DDX60L: variants seen among roughly 807,000 people sequenced by gnomAD.
The protein encoded by DDX60L is probable ATP-dependent RNA helicase DDX60-like.
DDX60L carries 191 observed loss-of-function variants against 211.6 expected under a neutral mutation model. That is an observed-to-expected ratio of 0.90 (90% confidence interval 0.80 to 1.02). DDX60L has a LOEUF of 1.02. Among genes scored for constraint, DDX60L ranks in the 50% least tolerant of loss-of-function variants. The pLI, the probability that DDX60L is intolerant of heterozygous loss-of-function variation, is 0.00. For missense variants in DDX60L, 2,007 were observed against 1,984.1 expected, an observed-to-expected ratio of 1.01 and a Z score of -0.22; for synonymous variants, 706 against 694.1, an observed-to-expected ratio of 1.02 and a Z score of -0.27.
chr4:168,383,252 T>C (rs992560427), intron 30 of DDX60L, among the ~76,000 whole-genome samples: 2 of 152,082 alleles, frequency 1.3e-5, no homozygotes, highest in African/African-American at 4.8e-5. Context: ...ATCAAGAAAA[T>C]GCAAAGCATT....
chr4:168,358,585 T>G (rs367723539), intron 37 of DDX60L, among the ~76,000 whole-genome samples: 1 of 146,318 alleles, frequency 6.8e-6, no homozygotes. Flanking sequence ...TGGAGTGCAG[T>G]GGCGTGATCT....
chr4:168,473,762 A>G (rs1003524248), intron 1 of DDX60L, among the ~76,000 whole-genome samples: 1 of 152,110 alleles, frequency 6.6e-6, no homozygotes, highest in Non-Finnish European at 1.5e-5. Context: ...GTTTCTGGCC[A>G]CTCCTGATCA....
intron 34 of DDX60L, among the ~76,000 whole-genome samples, chr4:168,374,087 AG>A (rs1191075728): frequency 6.6e-5 from 10 of 152,110 alleles, no homozygotes; most frequent in Middle Eastern, 3.4e-3. Flanking sequence ...CATGATGTTC[AG>A]GCAGCTCCTA....
At chr4:168,468,348 C>A (rs1305448309) in intron 4 of DDX60L, among the ~76,000 whole-genome samples, 2 of 151,990 alleles carry the variant, frequency 1.3e-5, no homozygotes, top group African/African-American at 4.8e-5. Flanking sequence ...ATTTAAAAAT[C>A]ACTTAATGTA....
chr4:168,417,687 G>C (rs904742031), intron 19 of DDX60L, among the ~76,000 whole-genome samples: 4 of 152,166 alleles, frequency 2.6e-5, no homozygotes, highest in African/African-American at 7.2e-5. Context: ...GCATATCAGG[G>C]AGAAAGCACA....
At chr4:168,467,465 A>C (rs991243537) in intron 4 of DDX60L, among the ~76,000 whole-genome samples, 2 of 151,328 alleles carry the variant, frequency 1.3e-5, no homozygotes, top group African/African-American at 4.8e-5. Context: ...AAAAAAATGA[A>C]AGAAGGAGCT....
chr4:168,362,989 A>G (rs1172244367), intron 36 of DDX60L, among the ~76,000 whole-genome samples: 2 of 152,172 alleles, frequency 1.3e-5, no homozygotes, highest in African/African-American at 2.4e-5. Context: ...TCAACCCACA[A>G]AGATACTCTC....
At chr4:168,421,185 G>T (rs962544084) in intron 17 of DDX60L, among the ~76,000 whole-genome samples, 2 of 151,872 alleles carry the variant, frequency 1.3e-5, no homozygotes, top group African/African-American at 4.8e-5. Flanking sequence ...AAAAAGGAAA[G>T]GGGAGAGAGA....
At chr4:168,453,499 T>G (rs960748509) in intron 7 of DDX60L, among the ~76,000 whole-genome samples, 1 of 152,158 alleles carries the variant, frequency 6.6e-6, no homozygotes, top group African/African-American at 2.4e-5. Context: ...TTTCTTATGA[T>G]TTTCAGTGAA....
chr4:168,429,308 C>T (rs765982095), intron 13 of DDX60L, among the ~76,000 whole-genome samples: 5 of 152,062 alleles, frequency 3.3e-5, no homozygotes, highest in Non-Finnish European at 4.4e-5. Flanking sequence ...CCATTCCTAG[C>T]TATTTTTTTA....
rs560100521 is a variant in DDX60L at position 168,437,222 on chromosome 4, A to G, written c.1295-4107T>C. ...TTATTTTGAAATAGGGTCTTTGCAG[A>G]TGAAATCAAGTTAAGATAAGGTTAT... is the stretch of plus-strand genomic sequence containing the variant. On this transcript the variant is annotated intron_variant, in intron 10 of 37. Transcript: ENST00000682922. Among the ~76,000 whole-genome samples, 4 of 152,340 alleles carry G rather than the reference A, an allele frequency of 2.6e-5. No homozygotes were observed. The South Asian group carries it at 8.3e-4, about 32-fold the overall frequency.
intron 8 of DDX60L, among the ~76,000 whole-genome samples, chr4:168,450,613 C>T (rs1229217729): frequency 6.6e-6 from 1 of 152,170 alleles, no homozygotes; most frequent in Admixed American, 6.5e-5. Context: ...ACCAAAACAG[C>T]TCTTAATAAT....
chr4:168,455,457 A>G (rs1296389331), intron 7 of DDX60L, among the ~76,000 whole-genome samples: 1 of 152,180 alleles, frequency 6.6e-6, no homozygotes, highest in East Asian at 1.9e-4. Flanking sequence ...TCTTTTAAAT[A>G]CACAACTTAA....
chr4:168,442,427 A>AG (rs1172094791), intron 9 of DDX60L, among the ~76,000 whole-genome samples: 2 of 150,310 alleles, frequency 1.3e-5, no homozygotes, highest in African/African-American at 2.4e-5. Context: ...AGGCTGGGGG[A>AG]GGGGCGGCAG....
intron 10 of DDX60L, among the ~76,000 whole-genome samples, chr4:168,435,224 T>C (rs759860908): frequency 6.6e-6 from 1 of 152,200 alleles, no homozygotes; most frequent in African/African-American, 2.4e-5. Flanking sequence ...AATGCGTAAC[T>C]GGGACAGACA....
At chr4:168,446,234 C>G (rs1754770531) in intron 9 of DDX60L, among the ~76,000 whole-genome samples, 2 of 152,048 alleles carry the variant, frequency 1.3e-5, no homozygotes. Flanking sequence ...TAAACACCAA[C>G]AACAGACAAA....
intron 14 of DDX60L, among the ~76,000 whole-genome samples, chr4:168,425,800 C>A (rs1457882478): frequency 6.6e-6 from 1 of 152,096 alleles, no homozygotes; most frequent in East Asian, 1.9e-4. Flanking sequence ...TATCTCTACT[C>A]AGTTTTTTCT....
intron 29 of DDX60L, among the ~76,000 whole-genome samples, 196 bp downstream of exon 29, chr4:168,391,344 G>T (rs933510293): frequency 6.6e-6 from 1 of 152,120 alleles, no homozygotes; most frequent in Non-Finnish European, 1.5e-5. Flanking sequence ...CCCTAACTAT[G>T]AAAAAGTAGT....
At chr4:168,457,155 G>T (rs1031845269) in intron 6 of DDX60L, among the ~76,000 whole-genome samples, 2 of 151,888 alleles carry the variant, frequency 1.3e-5, no homozygotes, top group Admixed American at 1.3e-4. Context: ...GGTCAAGGCT[G>T]CAGTGATCCA....
Sources: allele counts gnomAD v4.1 joint callset (sites outside exome capture counted in the v4.1 genomes callset), GRCh38; gene constraint gnomAD v4.1.1; transcripts MANE v1.5; gene names NCBI Gene and HGNC (gene_info 2026-07-23, HGNC 2026-07-21).